AP4E1: variants seen among roughly 807,000 people sequenced by gnomAD.
AP4E1 encodes the protein AP-4 complex subunit epsilon-1.
In AP4E1, 56 loss-of-function variants were observed where a neutral mutation model predicts 128.2. That is an observed-to-expected ratio of 0.44 (90% CI 0.35 to 0.55). The LOEUF is 0.55. Ranked by LOEUF, AP4E1 falls within the 20% of genes least tolerant of loss-of-function variation. The pLI, the probability that AP4E1 is intolerant of heterozygous loss-of-function variation, is 0.00. For synonymous variants in AP4E1, 484 were observed against 473.1 expected (o/e 1.02, Z -0.30); for missense variants, 1,324 against 1,307.7 (o/e 1.01, Z -0.19).
In AP4E1 at chr15:50,939,854, G is replaced by A. The variant is rs28406120; in HGVS notation, c.944-1588G>A. On this transcript the variant is annotated intron_variant, in intron 8 of 20. Coordinates refer to ENST00000261842, the MANE Select transcript of AP4E1 (RefSeq NM_007347.5). ...CATTTGAAATCTTAGGACTGTCATG[G>A]TAGTTCACAGTTCAGCAAACTTTTT... 5.0e-3 allele frequency among the ~76,000 whole-genome samples: 762 copies of A among 152,310 alleles called. 11 individuals are homozygous for A. The highest frequency in any genetic ancestry group is 0.018 in the African/African-American group (736 of 41,566).
At chr15:50,942,636 T>C (rs926135365) in intron 10 of AP4E1, among the ~76,000 whole-genome samples, 12 of 148,570 alleles carry the variant, frequency 8.1e-5, no homozygotes, top group African/African-American at 2.9e-4. Context: ...TACTATATGT[T>C]ACTTATATAT....
chr15:50,923,299 CT>C (rs1178955803), intron 3 of AP4E1, among the ~76,000 whole-genome samples: 1 of 152,090 alleles, frequency 6.6e-6, no homozygotes, highest in Non-Finnish European at 1.5e-5. Flanking sequence ...TTAAAATGTA[CT>C]TTAAAAATGT....
chr15:50,964,826 T>C (rs935373857), intron 14 of AP4E1, among the ~76,000 whole-genome samples: 3 of 152,050 alleles, frequency 2.0e-5, no homozygotes, highest in African/African-American at 7.2e-5. Context: ...ATCCCCAGCG[T>C]TGGAGGTAGG....
chr15:50,951,757 TTC>T (rs2064153963), intron 13 of AP4E1, among the ~76,000 whole-genome samples: 1 of 148,662 alleles, frequency 6.7e-6, no homozygotes, highest in Non-Finnish European at 1.5e-5. Context: ...GACAGAGTCT[TTC>T]TCTGTCAACC....
chr15:50,930,661 A>T, intron 6 of AP4E1, 144 bp from the exon 7 acceptor site: 1 of 815,504 alleles, frequency 1.2e-6, no homozygotes, highest in Non-Finnish European at 1.9e-6. Context: ...CATGGAAGAT[A>T]TTATACATAT....
At chr15:50,946,204 T>C (rs1213723171) in intron 10 of AP4E1, among the ~76,000 whole-genome samples, 1 of 152,230 alleles carries the variant, frequency 6.6e-6, no homozygotes, top group African/African-American at 2.4e-5. Context: ...ATTCTTTTAT[T>C]GAAGAATACA....
At chr15:50,955,388 A>G (rs2064206072) in intron 13 of AP4E1, among the ~76,000 whole-genome samples, 1 of 152,006 alleles carries the variant, frequency 6.6e-6, no homozygotes, top group Non-Finnish European at 1.5e-5. Context: ...CTGGTGTGAG[A>G]TGGTATCTCA....
intron 10 of AP4E1, among the ~76,000 whole-genome samples, chr15:50,943,195 C>A (rs2064010768): frequency 1.3e-5 from 2 of 152,082 alleles, no homozygotes; most frequent in Admixed American, 6.6e-5. Flanking sequence ...TAATGGCTTC[C>A]AGCTGCATCC....
intron 16 of AP4E1, among the ~76,000 whole-genome samples, chr15:50,984,606 C>T (rs1175767205): frequency 4.6e-5 from 7 of 151,858 alleles, no homozygotes; most frequent in Non-Finnish European, 1.0e-4. Context: ...TGGTTTCCAG[C>T]TTCATCCGTG....
chr15:50,990,471 C>T (rs1235339365), intron 16 of AP4E1, among the ~76,000 whole-genome samples: 1 of 151,508 alleles, frequency 6.6e-6, no homozygotes, highest in African/African-American at 2.4e-5. Context: ...TGGGTTCTCC[C>T]AGGTTCTCAT....
intron 1 of AP4E1, among the ~76,000 whole-genome samples, chr15:50,909,334 G>A (rs1043982952): frequency 6.6e-6 from 1 of 152,078 alleles, no homozygotes; most frequent in African/African-American, 2.4e-5. Flanking sequence ...CTTCCACAAA[G>A]TTTTTTTTCC....
At chr15:50,983,833 C>T (rs1044609796) in intron 15 of AP4E1, among the ~76,000 whole-genome samples, 189 bp from the exon 16 acceptor site, 1 of 152,054 alleles carries the variant, frequency 6.6e-6, no homozygotes, top group African/African-American at 2.4e-5. Context: ...TGAAGACTTA[C>T]AGTAGACATT....
At chr15:50,976,065 T>G (rs922464735) in intron 15 of AP4E1, among the ~76,000 whole-genome samples, 1 of 151,808 alleles carries the variant, frequency 6.6e-6, no homozygotes, top group Non-Finnish European at 1.5e-5. Context: ...AGACCAGCCT[T>G]ACCCTGATAG....
At chr15:50,926,413 C>T (rs966902729) in intron 5 of AP4E1, among the ~76,000 whole-genome samples, 4 of 151,440 alleles carry the variant, frequency 2.6e-5, no homozygotes, top group African/African-American at 9.7e-5. Context: ...TGAGATTACA[C>T]ATGTGAGCCA....
At chr15:50,982,146 C>T (rs1304718976) in intron 15 of AP4E1, among the ~76,000 whole-genome samples, 3 of 149,630 alleles carry the variant, frequency 2.0e-5, no homozygotes, top group African/African-American at 4.9e-5. Flanking sequence ...CACTATCTTC[C>T]CTTCTGCTTT....
At chr15:50,934,385 A>G (rs1242478967) in intron 7 of AP4E1, among the ~76,000 whole-genome samples, 1 of 152,090 alleles carries the variant, frequency 6.6e-6, no homozygotes, top group African/African-American at 2.4e-5. Context: ...CACAGTGAGG[A>G]AAGAGTTGAT....
intron 15 of AP4E1, among the ~76,000 whole-genome samples, chr15:50,975,389 G>C (rs1040469799): frequency 1.3e-5 from 2 of 152,158 alleles, no homozygotes; most frequent in African/African-American, 2.4e-5. Flanking sequence ...TGAGCAACAA[G>C]AGCAAAACTT....
At chr15:50,939,398 G>A (rs1479143781) in intron 8 of AP4E1, among the ~76,000 whole-genome samples, 2 of 151,890 alleles carry the variant, frequency 1.3e-5, no homozygotes, top group Admixed American at 1.3e-4. Context: ...ACTTGAACCT[G>A]GGGGGTGGAG....
rs2063882407 is a variant in AP4E1, at chr15:50,934,611, A to G, written c.870-13A>G. The G allele has an allele frequency of 7.6e-6, 12 of 1,582,904 alleles. No individual in the cohort carries two copies. Among genetic ancestry groups the G allele is most frequent in the African/African-American group, 1.3e-5 (1 of 74,242 alleles). ...ACTATAATTCTACTGCAAATAAAAT[A>G]TCTTTTAAACAGGACAAGTGAATTA... On this transcript the variant is annotated splice_polypyrimidine_tract_variant and intron_variant, in intron 7 of 20. Transcript: ENST00000261842.
Sources: gnomAD v4.1 joint callset for allele counts (sites outside exome capture counted in the v4.1 genomes callset) on GRCh38, gnomAD v4.1.1 for gene constraint, MANE v1.5 for transcripts, NCBI Gene and HGNC (gene_info 2026-07-23, HGNC 2026-07-21) for gene names.